The following NAV2 variants were observed in gnomAD, a reference collection of about 807,000 sequenced individuals.
NAV2 encodes the protein helicase, APC down-regulated 1.
A neutral mutation model predicts 223.2 loss-of-function variants in NAV2; 54 were observed. That is an observed-to-expected ratio of 0.24 (90% CI 0.19 to 0.30). The LOEUF is 0.30. Among genes scored for constraint, NAV2 ranks in the 10% least tolerant of loss-of-function variants. The probability of loss-of-function intolerance (pLI) is 1.00; values close to 1 mark genes in which losing one functional copy is unlikely to be tolerated. For missense variants in NAV2, 2,806 were observed against 3,147.5 expected (o/e 0.89, Z 2.60); for synonymous variants, 1,279 against 1,239.3 (o/e 1.03, Z -0.67).
upstream of NAV2, among the ~76,000 whole-genome samples, chr11:19,346,367 C>G (rs996352414): frequency 6.6e-6 from 1 of 152,144 alleles, no homozygotes; most frequent in African/African-American, 2.4e-5. Flanking sequence ...CGAGCCAAGC[C>G]GGGGGCAACT....
chr11:20,077,831 A>G (rs1037803307), intron 23 of NAV2, among the ~76,000 whole-genome samples, 162 bp from the exon 24 acceptor site: 1 of 152,228 alleles, frequency 6.6e-6, no homozygotes, highest in Non-Finnish European at 1.5e-5. Context: ...TCTTGTAGTT[A>G]TAATCCTACT....
intron 1 of NAV2, among the ~76,000 whole-genome samples, chr11:19,403,153 C>A (rs185298293): frequency 6.6e-6 from 1 of 152,154 alleles, no homozygotes; most frequent in South Asian, 2.1e-4. Context: ...CAGTGACAGG[C>A]AAATAGGAAG....
chr11:20,102,650 A>G (rs2061720570), intron 32 of NAV2, among the ~76,000 whole-genome samples: 1 of 152,000 alleles, frequency 6.6e-6, no homozygotes, highest in Admixed American at 6.6e-5. Context: ...CCAGCTCCTT[A>G]TCTTGCCGTT....
At chr11:19,833,576 C>G (rs933291292) in intron 2 of NAV2, among the ~76,000 whole-genome samples, 3 of 152,180 alleles carry the variant, frequency 2.0e-5, no homozygotes, top group African/African-American at 7.2e-5. Flanking sequence ...TTTTCCTCCT[C>G]TCCCTGTATT....
At chr11:19,700,885 T>C (rs867075468) in intron 1 of NAV2, among the ~76,000 whole-genome samples, 3 of 152,232 alleles carry the variant, frequency 2.0e-5, no homozygotes, top group Non-Finnish European at 2.9e-5. Context: ...GTGACTGGCA[T>C]GTTGCCCAGC....
chr11:19,709,343 C>T (rs560025803), upstream of NAV2, among the ~76,000 whole-genome samples: 6 of 151,596 alleles, frequency 4.0e-5, no homozygotes, highest in South Asian at 2.1e-4. Flanking sequence ...GAGGTCGAGA[C>T]CATCCTGGCT....
At chr11:19,972,901 G>A (rs371235943) in intron 10 of NAV2, among the ~76,000 whole-genome samples, 4 of 152,244 alleles carry the variant, frequency 2.6e-5, no homozygotes, top group East Asian at 3.9e-4. Context: ...TTAAACATAG[G>A]CCTCCTCTGG....
At chr11:19,420,979 C>T (rs1850586368) in intron 1 of NAV2, among the ~76,000 whole-genome samples, 1 of 152,174 alleles carries the variant, frequency 6.6e-6, no homozygotes, top group African/African-American at 2.4e-5. Context: ...GCCTGCCCTC[C>T]TCCCCACAGC....
At chr11:19,505,012 T>C (rs2043080421) in intron 1 of NAV2, 2 of 152,254 alleles carry the variant, frequency 1.3e-5, no homozygotes, top group Admixed American at 6.5e-5. Flanking sequence ...CCCAGGCCTG[T>C]TGGAGTCCAA....
intron 1 of NAV2, among the ~76,000 whole-genome samples, chr11:19,781,294 A>G (rs961460719): frequency 2.6e-5 from 4 of 152,180 alleles, no homozygotes; most frequent in Non-Finnish European, 5.9e-5. Context: ...ATGAGCGTGC[A>G]GTATAGATGC....
At chr11:19,629,427 A>G (rs1438984237) in intron 1 of NAV2, among the ~76,000 whole-genome samples, 1 of 152,116 alleles carries the variant, frequency 6.6e-6, no homozygotes, top group Non-Finnish European at 1.5e-5. Flanking sequence ...TAAAAGGCAG[A>G]AGTGGTTTCA....
At chr11:19,370,830 T>C (rs1023118915) in intron 1 of NAV2, among the ~76,000 whole-genome samples, 7 of 152,232 alleles carry the variant, frequency 4.6e-5, no homozygotes, top group Non-Finnish European at 8.8e-5. Context: ...CCAGGAGACA[T>C]GGCTTCCAAC....
chr11:19,605,481 G>T (rs2046451376), intron 1 of NAV2, among the ~76,000 whole-genome samples: 1 of 151,506 alleles, frequency 6.6e-6, no homozygotes, highest in African/African-American at 2.4e-5. Flanking sequence ...GGAAAATAAT[G>T]GCTTAGTGGA....
chr11:19,884,227 T>C, intron 5 of NAV2: 2 of 1,176,174 alleles, frequency 1.7e-6, no homozygotes, highest in Non-Finnish European at 2.5e-6. Flanking sequence ...CTCTTAGGAT[T>C]TGTGTGTCTA....
At chr11:20,081,349 T>G (rs1265403622) in intron 25 of NAV2, among the ~76,000 whole-genome samples, 5 of 152,254 alleles carry the variant, frequency 3.3e-5, no homozygotes, top group Non-Finnish European at 7.3e-5. Flanking sequence ...CAGCTTTGAT[T>G]TTCAAAGTGA....
At chr11:19,545,574 C>A (rs1373240628) in intron 1 of NAV2, among the ~76,000 whole-genome samples, 3 of 152,040 alleles carry the variant, frequency 2.0e-5, no homozygotes, top group Non-Finnish European at 4.4e-5. Context: ...AGTGAGTAGA[C>A]TGAATCAGGA....
At chr11:19,450,479 T>C (rs1483952617) in intron 1 of NAV2, among the ~76,000 whole-genome samples, 1 of 152,218 alleles carries the variant, frequency 6.6e-6, no homozygotes, top group African/African-American at 2.4e-5. Flanking sequence ...AGCCCTGAAG[T>C]CATTTGTTAC....
chr11:19,840,509 A>G (rs1455922843), intron 2 of NAV2, among the ~76,000 whole-genome samples: 1 of 152,218 alleles, frequency 6.6e-6, no homozygotes. Context: ...TCAGAATCCA[A>G]TGACTTATGA....
At chr11:19,518,108 T>C (rs2043516327) in intron 1 of NAV2, among the ~76,000 whole-genome samples, 1 of 152,260 alleles carries the variant, frequency 6.6e-6, no homozygotes, top group Admixed American at 6.5e-5. Context: ...CTTCAATTTC[T>C]TCATTTGGGC....
Sources: gnomAD v4.1 joint callset for allele counts (sites outside exome capture counted in the v4.1 genomes callset) on GRCh38, gnomAD v4.1.1 for gene constraint, MANE v1.5 for transcripts, NCBI Gene and HGNC (gene_info 2026-07-23, HGNC 2026-07-21) for gene names.